The following HDX variants were observed in gnomAD, a reference collection of about 807,000 sequenced individuals.
HDX encodes chromosome X open reading frame 43.
HDX carries 19 observed loss-of-function variants against 45.2 expected under a neutral mutation model. The observed-to-expected ratio is 0.42, with a 90% CI of 0.29 to 0.62. The LOEUF is 0.62. Among genes scored for constraint, HDX ranks in the 20% least tolerant of loss-of-function variants. The pLI is 0.20. For synonymous variants in HDX, 188 were observed against 172.8 expected, an observed-to-expected ratio of 1.09 and a Z score of -0.69; for missense variants, 532 against 493.9, an observed-to-expected ratio of 1.08 and a Z score of -0.73.
At chrX:84,460,134 A>C (rs1254795107) in intron 4 of HDX, among the ~76,000 whole-genome samples, 1 of 111,771 alleles carries the variant, frequency 8.9e-6, no homozygotes, top group Non-Finnish European at 1.9e-5. Flanking sequence ...ATTGCTACTC[A>C]AACTATTCCA....
chrX:84,428,390 A>G (rs983724389), intron 5 of HDX, among the ~76,000 whole-genome samples: 1 of 111,137 alleles, frequency 9.0e-6, no homozygotes, highest in African/African-American at 3.2e-5. Context: ...AATTTCCCCA[A>G]TAATATCTCT....
intron 5 of HDX, among the ~76,000 whole-genome samples, chrX:84,422,663 GTTTTTTTTTTTT>G (rs779557860): frequency 1.5e-5 from 1 of 64,921 alleles, no homozygotes; most frequent in Non-Finnish European, 2.8e-5. Flanking sequence ...GAAATAAAAG[GTTTTTTTTTTTT>G]TTTTTTTTTT....
At chrX:84,463,620 G>T (rs946683536) in intron 4 of HDX, among the ~76,000 whole-genome samples, 1 of 110,876 alleles carries the variant, frequency 9.0e-6, no homozygotes, top group South Asian at 3.8e-4. Flanking sequence ...TGTATTTATG[G>T]CGCCTTTCTT....
chrX:84,371,773 T>C (rs985984549), intron 5 of HDX, among the ~76,000 whole-genome samples: 2 of 111,248 alleles, frequency 1.8e-5, no homozygotes, highest in Non-Finnish European at 3.8e-5. Flanking sequence ...ATGTGCTCTC[T>C]GAGGAGAATT....
intron 6 of HDX, among the ~76,000 whole-genome samples, chrX:84,357,230 G>C (rs2037508838): frequency 9.0e-6 from 1 of 111,538 alleles, no homozygotes; most frequent in Non-Finnish European, 1.9e-5. Flanking sequence ...AATTCAGTTG[G>C]AGCAGATCAG....
intron 6 of HDX, 107 bp from the exon 7 acceptor site, chrX:84,344,564 A>C: frequency 2.1e-6 from 1 of 482,899 alleles, no homozygotes; most frequent in Non-Finnish European, 3.5e-6. Flanking sequence ...TTAAAGGAAT[A>C]AATGGGTACA....
intron 6 of HDX, 21 bp from the exon 7 acceptor site, chrX:84,344,478 A>G: frequency 9.0e-7 from 1 of 1,105,992 alleles, no homozygotes; most frequent in South Asian, 1.9e-5. Context: ...GAAATATAGG[A>G]GGAATTTTTG....
chrX:84,379,983 C>T (rs1295852300), intron 5 of HDX, among the ~76,000 whole-genome samples: 1 of 109,927 alleles, frequency 9.1e-6, no homozygotes, highest in African/African-American at 3.3e-5. Context: ...GCGACACTAA[C>T]AAAAACAAAA....
chrX:84,405,697 C>T (rs1013789821), intron 5 of HDX, among the ~76,000 whole-genome samples: 38 of 94,071 alleles, frequency 4.0e-4, no homozygotes, highest in African/African-American at 1.3e-3. Flanking sequence ...TAAAGTATTA[C>T]GGAATGCTAC....
chrX:84,373,549 A>C, intron 5 of HDX, among the ~76,000 whole-genome samples: 1 of 110,713 alleles, frequency 9.0e-6, no homozygotes. Flanking sequence ...CTCATCAAAA[A>C]GCTTATCCAC....
At chrX:84,394,774 T>A (rs1351182417) in intron 5 of HDX, among the ~76,000 whole-genome samples, 1 of 111,324 alleles carries the variant, frequency 9.0e-6, no homozygotes, top group Non-Finnish European at 1.9e-5. Context: ...TTTTCAGTTT[T>A]TTTTTATTTA....
intron 5 of HDX, among the ~76,000 whole-genome samples, chrX:84,396,582 A>G (rs1336881915): frequency 8.9e-6 from 1 of 112,262 alleles, no homozygotes. Flanking sequence ...TTCTCAGGCT[A>G]TACAGCAGAT....
At chrX:84,400,049 G>C (rs777297260) in intron 5 of HDX, among the ~76,000 whole-genome samples, 3 of 111,128 alleles carry the variant, frequency 2.7e-5, no homozygotes, top group Admixed American at 9.6e-5. Context: ...ACTAGGTATT[G>C]ATGGAATATA....
chrX:84,394,881 T>C (rs2038523441), intron 5 of HDX, among the ~76,000 whole-genome samples: 1 of 111,230 alleles, frequency 9.0e-6, no homozygotes. Context: ...TTTCAGCCTA[T>C]ATGTGTCTTT....
At chrX:84,350,846 G>A (rs931111843) in intron 6 of HDX, among the ~76,000 whole-genome samples, 1 of 111,520 alleles carries the variant, frequency 9.0e-6, no homozygotes, top group Non-Finnish European at 1.9e-5. Flanking sequence ...ATGTTAAAGC[G>A]TCAATATGTC....
In HDX at chrX:84,351,711, G is replaced by A. The variant is rs1270806787; in HGVS notation, c.1453-7254C>T. 2.7e-5 allele frequency among the ~76,000 whole-genome samples: 3 copies of A among 111,388 alleles called. No homozygotes were observed. In the Admixed American group the frequency reaches 2.9e-4, roughly 11 times the overall value. Reference sequence around the variant, plus strand: ...AAACCCAGGAAACTCACCATTGTGTGAGTGTCATTCATGGGGTCCCATGGT... The same window carrying A: ...AAACCCAGGAAACTCACCATTGTGTAAGTGTCATTCATGGGGTCCCATGGT... On this transcript the variant is annotated intron_variant, in intron 6 of 10. Transcript: ENST00000373177.
rs763601589 is a variant in HDX at position 84,469,158 on chromosome X, C to A, written c.565G>T (p.Val189Leu). The A allele has an allele frequency of 8.3e-7, 1 of 1,210,026 alleles. No homozygotes were observed. Among genetic ancestry groups the A allele is most frequent in the East Asian group, 3.0e-5 (1 of 33,829 alleles). Residue 189 changes from valine to leucine, a missense_variant, in exon 4 of 11, where the codon GTA becomes TTA. Val to Leu is a conservative substitution (Grantham distance 32). Around this residue, in one of 3 missense-constraint regions of HDX, gnomAD observed 376 missense variants for 343.7 expected, o/e 1.09. Coordinates refer to ENST00000373177, the MANE Select transcript of HDX (RefSeq NM_001177479.2). ...TAGTTTTTCTTTGCGTGATTGAATACTGAGTTTCCAGCATTTAGCACACTT... is the reference window on the plus strand; with the variant it reads ...TAGTTTTTCTTTGCGTGATTGAATAATGAGTTTCCAGCATTTAGCACACTT... Reference protein sequence around the residue: ...QTSVLNAGNSVFNHAKKNYGN... With the variant: ...QTSVLNAGNSLFNHAKKNYGN...
At chrX:84,465,206 C>CT (rs766170491) in intron 4 of HDX, among the ~76,000 whole-genome samples, 12 of 111,963 alleles carry the variant, frequency 1.1e-4, no homozygotes, top group Admixed American at 9.4e-5. Context: ...AAATAGAATG[C>CT]TTTTACACTG....
intron 5 of HDX, among the ~76,000 whole-genome samples, chrX:84,425,863 A>T (rs1341980346): frequency 9.0e-6 from 1 of 110,888 alleles, no homozygotes; most frequent in Non-Finnish European, 1.9e-5. Context: ...ATGTGTGAAA[A>T]AAAAATAGAA....
Sources: gnomAD v4.1 joint callset for allele counts (sites outside exome capture counted in the v4.1 genomes callset) on GRCh38, gnomAD v4.1.1 for gene constraint, gnomAD v4.1.1 regional missense constraint, MANE v1.5 for transcripts, NCBI Gene and HGNC (gene_info 2026-07-23, HGNC 2026-07-21) for gene names.